SLC7A8: variants seen among roughly 807,000 people sequenced by gnomAD.
The protein encoded by SLC7A8 is solute carrier family 7 member 8, also known as large neutral amino acids transporter small subunit 2.
In SLC7A8, 30 loss-of-function variants were observed where a neutral mutation model predicts 51.2. The ratio of observed to expected loss-of-function variants is 0.59; its 90% CI spans 0.44 to 0.80. The LOEUF is 0.80. Among genes scored for constraint, SLC7A8 ranks in the 30% least tolerant of loss-of-function variants. SLC7A8 has a pLI of 0.00. For missense variants in SLC7A8, 612 were observed against 674.4 expected, an observed-to-expected ratio of 0.91 and a Z score of 1.03; for synonymous variants, 257 against 275.8, an observed-to-expected ratio of 0.93 and a Z score of 0.67.
chr14:23,169,676 G>A (rs1428049317), intron 1 of SLC7A8, among the ~76,000 whole-genome samples: 2 of 152,180 alleles, frequency 1.3e-5, no homozygotes, highest in African/African-American at 4.8e-5. Flanking sequence ...CAAAGTGCTA[G>A]GATTACAGGT....
chr14:23,179,442 C>A (rs573060426), intron 1 of SLC7A8, among the ~76,000 whole-genome samples: 38 of 151,914 alleles, frequency 2.5e-4, no homozygotes, highest in Non-Finnish European at 4.3e-4. Context: ...TTAAATTATC[C>A]CTCTTAGTCA....
In SLC7A8 at chr14:23,165,400, G is replaced by A. The variant is rs1276410047; in HGVS notation, c.393C>T (p.Tyr131=). The stretch of plus-strand genomic sequence containing the variant: ...GGGCGATGACAGCCTGGTTGGTGGG[G>A]TAGATCACCAGCACAGCAATCCACA... ...LRLWIAVLVI[Y]PTNQAVIALT... is the part of the protein sequence containing the mutation. Residue 131 remains tyrosine, a synonymous_variant, in exon 3 of 11, where the codon TAC becomes TAT. Coordinates refer to ENST00000316902, the MANE Select transcript of SLC7A8 (RefSeq NM_012244.4). This position sits in a 1 kb window ranked among gnomAD's most constrained non-coding sequence, Gnocchi z 4.2. 6.3e-7 allele frequency: 1 copy of A among 1,598,350 alleles called. No homozygotes were observed. The highest frequency in any genetic ancestry group is 1.7e-5 in the Admixed American group (1 of 57,194).
At chr14:23,166,219 C>G in intron 2 of SLC7A8, 117 bp downstream of exon 2, 1 of 1,051,074 alleles carries the variant, frequency 9.5e-7, no homozygotes, top group Non-Finnish European at 1.4e-6. Context: ...TTCACTAGCA[C>G]CCCGTGGCAC....
rs765234519 is a variant in SLC7A8 at position 23,128,129 on chromosome 14, G to A, written c.1331C>T (p.Ser444Leu). 1 of 1,614,202 alleles carries A rather than the reference G, an allele frequency of 6.2e-7. No individual in the cohort carries two copies. Among genetic ancestry groups the A allele is most frequent in the Non-Finnish European group, 8.5e-7 (1 of 1,180,046 alleles). Reference protein sequence around the residue: ...WAFLLVFSLWSEPVVCGIGLA... With the variant: ...WAFLLVFSLWLEPVVCGIGLA... ...GCCAATGCCACACACCACCGGCTCT[G>A]ACCACAGGCTGAAGACCAGCAGGAA... The change falls in exon 10 of 11, where the codon TCA (serine) becomes TTA (leucine). Residue 444 changes from serine (S) to leucine (L), a missense_variant. Ser to Leu is a moderately radical substitution (Grantham distance 145). Transcript: ENST00000316902. The surrounding 1 kb of genome is among the most constrained non-coding windows in gnomAD (Gnocchi z 4.3).
chr14:23,132,784 C>T (rs567193773), intron 7 of SLC7A8, among the ~76,000 whole-genome samples: 27 of 151,980 alleles, frequency 1.8e-4, no homozygotes, highest in East Asian at 9.7e-4. Context: ...TACAGGCATG[C>T]GCCACCACAC....
rs988203631 is a variant in SLC7A8 at position 23,155,206 on chromosome 14, G to T, written c.508+10079C>A. 27 of 1,535,886 alleles carry T rather than the reference G, an allele frequency of 1.8e-5. No homozygotes were observed. In the Middle Eastern group the frequency reaches 6.7e-4, roughly 38 times the overall value. ...TCGGAACCCCCTCCAAAGGAGAGGA[G>T]GTGCTCTGAGCCTTCCGGAAGGGCC... is the stretch of plus-strand genomic sequence containing the variant. On this transcript the variant is annotated intron_variant, in intron 3 of 10. Coordinates refer to ENST00000316902, the MANE Select transcript of SLC7A8 (RefSeq NM_012244.4).
chr14:23,178,885 C>CA (rs386380884), intron 1 of SLC7A8, among the ~76,000 whole-genome samples: 14,087 of 76,646 alleles, frequency 0.18, 2,237 homozygotes, highest in African/African-American at 0.46. Flanking sequence ...ATCTTGTCTC[C>CA]AAAAAAAAAA....
At chr14:23,138,445 T>C (rs2048711715) in intron 6 of SLC7A8, among the ~76,000 whole-genome samples, 1 of 152,180 alleles carries the variant, frequency 6.6e-6, no homozygotes, top group African/African-American at 2.4e-5. Flanking sequence ...GTCAGGCAGA[T>C]CTGTCAGGCA....
intron 7 of SLC7A8, among the ~76,000 whole-genome samples, chr14:23,137,159 A>G (rs2048697982): frequency 6.6e-6 from 1 of 152,162 alleles, no homozygotes; most frequent in South Asian, 2.1e-4. Context: ...GCCCCTTCTG[A>G]AGACAGCAAA....
In SLC7A8 at chr14:23,165,322, TG is replaced by T. The variant is rs1485974334; in HGVS notation, c.470del (p.Pro157GlnfsTer44). ...LQPLFPTCFP[P>X]ESGLRLLAAI... ...CAGCCAGGAGCCGAAGGCCAGACTC[TG>T]GGGGGAAGCAGGTGGGGAAGAGCGG... On this transcript the variant is annotated frameshift_variant, in exon 3 of 11. Transcript: ENST00000316902. LOFTEE classifies it high-confidence loss of function. The surrounding 1 kb of genome is among the most constrained non-coding windows in gnomAD (Gnocchi z 4.2). 1 of 1,608,354 alleles carries T rather than the reference TG, an allele frequency of 6.2e-7. No individual in the cohort carries two copies. Among genetic ancestry groups the T allele is most frequent in the Non-Finnish European group, 8.5e-7 (1 of 1,177,560 alleles).
chr14:23,166,027 C>T (rs1277154596), intron 2 of SLC7A8, among the ~76,000 whole-genome samples: 1 of 152,178 alleles, frequency 6.6e-6, no homozygotes, highest in East Asian at 1.9e-4. Context: ...GATGTGCTTT[C>T]TCTGGGAATC....
In SLC7A8 at chr14:23,144,631, T is replaced by G. The variant is rs2331937; in HGVS notation, c.509-1427A>C. Reference sequence around the variant, plus strand: ...ACTTTCCAAGTATTTCCCAACCTTATTTGATGCTGAGAACATTTGGTTAGG... The same window carrying G: ...ACTTTCCAAGTATTTCCCAACCTTAGTTGATGCTGAGAACATTTGGTTAGG... On this transcript the variant is annotated intron_variant, in intron 3 of 10. Transcript: ENST00000316902. Among the ~76,000 whole-genome samples the G allele has an allele frequency of 1.1e-3, 168 of 152,108 alleles. 1 individual carries two copies. Among genetic ancestry groups the G allele is most frequent in the African/African-American group, 3.7e-3 (152 of 41,466 alleles).
chr14:23,137,619 C>T lies in SLC7A8; in HGVS notation c.1016+302G>A, dbSNP rs543470714. Among the ~76,000 whole-genome samples, 11 of 152,304 alleles carry T rather than the reference C, an allele frequency of 7.2e-5. No individual in the cohort carries two copies. In the South Asian group the frequency reaches 8.3e-4, roughly 11 times the overall value. On this transcript the variant is annotated intron_variant, in intron 7 of 10. Transcript: ENST00000316902. ...GCCAACCACAGCCACTGACTGGGGG[C>T]GGCGTCAGGCAGGCTGGCGGCCTCC...
At position 23,132,722 on chromosome 14, in the gene SLC7A8, G is replaced by A. The variant is rs571941164; in HGVS notation, c.1017-1165C>T. On this transcript the variant is annotated intron_variant, in intron 7 of 10. Transcript: ENST00000316902. ...ACGATCTTGGTTCACCGCAACCTCC[G>A]CCTCCCAGGTTCAAGCGATTCTTCT... Among the ~76,000 whole-genome samples the A allele has an allele frequency of 1.5e-3, 225 of 149,290 alleles. 1 individual carries two copies. The highest frequency in any genetic ancestry group is 5.1e-3 in the African/African-American group (204 of 40,386).
chr14:23,168,239 T>C (rs1045405272), intron 1 of SLC7A8, among the ~76,000 whole-genome samples: 3 of 152,214 alleles, frequency 2.0e-5, no homozygotes, highest in African/African-American at 7.2e-5. Flanking sequence ...CAACAGGACA[T>C]CTTTCAGCCC....
At position 23,166,416 on chromosome 14, in the gene SLC7A8, G is replaced by A. The variant is rs766230781; in HGVS notation, c.276C>T (p.Cys92=). 1 of 1,614,092 alleles carries A rather than the reference G, an allele frequency of 6.2e-7. No homozygotes were observed. Among genetic ancestry groups the A allele is most frequent in the African/African-American group, 1.3e-5 (1 of 74,928 alleles). Residue 92 remains cysteine, a synonymous_variant, in exon 2 of 11, where the codon TGC becomes TGT. Transcript: ENST00000316902. ...GGATGGTGACCCCGAGTTCAGCATA[G>A]CAGAGGGCTCCCACAACTGTGATGA... ...TGFITVVGAL[C]YAELGVTIPK...
In SLC7A8 at chr14:23,166,480, G is replaced by C. The variant is rs765425703; in HGVS notation, c.212C>G (p.Ser71Cys). 1 of 1,614,196 alleles carries C rather than the reference G, an allele frequency of 6.2e-7. No homozygotes were observed. Among genetic ancestry groups the C allele is most frequent in the Non-Finnish European group, 8.5e-7 (1 of 1,180,044 alleles). ...CCAGACGATGAGAGCAAGGCCCACA[G>C]AACCAGCATTCTCCAGCACTCCCTT... is the stretch of plus-strand genomic sequence containing the variant. The part of the protein sequence containing the change: ...SPKGVLENAG[S>C]VGLALIVWIV... The change falls in exon 2 of 11, where the codon TCT becomes TGT. Residue 71 changes from serine (S) to cysteine (C), a missense_variant. Coordinates refer to ENST00000316902, the MANE Select transcript of SLC7A8 (RefSeq NM_012244.4).
chr14:23,141,597 A>T (rs925983395), intron 4 of SLC7A8, among the ~76,000 whole-genome samples: 1 of 138,006 alleles, frequency 7.2e-6, no homozygotes, highest in Admixed American at 7.9e-5. Flanking sequence ...TTACAGGCAT[A>T]TGCCACCATG....
chr14:23,136,363 T>G (rs2048690182), intron 7 of SLC7A8, among the ~76,000 whole-genome samples: 1 of 152,064 alleles, frequency 6.6e-6, no homozygotes, highest in South Asian at 2.1e-4. Context: ...ACGTCCCCCC[T>G]CCACATGCAG....
Sources: allele counts gnomAD v4.1 joint callset (sites outside exome capture counted in the v4.1 genomes callset), GRCh38; gene constraint gnomAD v4.1.1; non-coding constraint Gnocchi (gnomAD v3.1); transcripts MANE v1.5; gene names NCBI Gene and HGNC (gene_info 2026-07-23, HGNC 2026-07-21).